CLIP4: variants seen among roughly 807,000 people sequenced by gnomAD.
The protein encoded by CLIP4 is CAP-Gly domain containing linker protein family member 4.
Under a neutral mutation model 73.1 loss-of-function variants are expected in CLIP4, and 47 were observed. The observed-to-expected ratio is 0.64, with a 90% CI of 0.51 to 0.82. CLIP4 has a LOEUF of 0.82. Ranked by LOEUF, CLIP4 falls within the 40% of genes least tolerant of loss-of-function variation. The pLI, the probability that CLIP4 is intolerant of heterozygous loss-of-function variation, is 0.00. For missense variants in CLIP4, 874 were observed against 852.9 expected (o/e 1.02, Z -0.31); for synonymous variants, 306 against 295.4 (o/e 1.04, Z -0.37).
intron 8 of CLIP4, among the ~76,000 whole-genome samples, chr2:29,149,152 A>G (rs1172066180): frequency 6.6e-6 from 1 of 152,158 alleles, no homozygotes; most frequent in Non-Finnish European, 1.5e-5. Context: ...GGCAGTGTGT[A>G]AGCAGATGGA....
chr2:29,121,350 C>CTTTT, intron 1 of CLIP4, 24 bp from the exon 2 acceptor site: 3 of 1,552,070 alleles, frequency 1.9e-6, no homozygotes, highest in Admixed American at 2.1e-5. Flanking sequence ...AGTAGAAACA[C>CTTTT]TTTTTTTTTC....
At chr2:29,179,326 C>G (rs544406454) in intron 15 of CLIP4, among the ~76,000 whole-genome samples, 2 of 152,154 alleles carry the variant, frequency 1.3e-5, no homozygotes, top group African/African-American at 4.8e-5. Context: ...TACATTCTTA[C>G]GACAGAGCCA....
intron 13 of CLIP4, among the ~76,000 whole-genome samples, chr2:29,164,352 A>G (rs530568958): frequency 2.0e-4 from 31 of 152,258 alleles, no homozygotes; most frequent in Admixed American, 1.6e-3. Flanking sequence ...CTACAAACCT[A>G]ATGGAACCAA....
intron 15 of CLIP4, among the ~76,000 whole-genome samples, chr2:29,175,000 C>T (rs956674538): frequency 2.0e-5 from 3 of 152,114 alleles, no homozygotes; most frequent in African/African-American, 4.8e-5. Context: ...CACTTTAGAG[C>T]AATATGAGGC....
chr2:29,172,768 T>G (rs1668093798), intron 14 of CLIP4, among the ~76,000 whole-genome samples: 1 of 152,148 alleles, frequency 6.6e-6, no homozygotes, highest in South Asian at 2.1e-4. Flanking sequence ...CACTCTAGAC[T>G]ATATTTTGGA....
chr2:29,109,268 C>T (rs1220418009), intron 1 of CLIP4, among the ~76,000 whole-genome samples: 1 of 152,018 alleles, frequency 6.6e-6, no homozygotes, highest in African/African-American at 2.4e-5. Context: ...GGCTGGTACC[C>T]GAAACTTAGC....
Position 29,172,907 on chromosome 2 carries a change from G to C in CLIP4, c.1724-1466G>C, listed in dbSNP as rs144776266. Among the ~76,000 whole-genome samples the C allele has an allele frequency of 3.6e-3, 544 of 151,934 alleles. 2 individuals carry two copies. The highest frequency in any genetic ancestry group is 0.012 in the African/African-American group (483 of 41,444). Reference sequence around the variant, plus strand: ...TTTCTTTTTTCAAATCTGCTTGCAAGTTACCATTGCAATTCTTTCCCCATA... The same window carrying C: ...TTTCTTTTTTCAAATCTGCTTGCAACTTACCATTGCAATTCTTTCCCCATA... On this transcript the variant is annotated intron_variant, in intron 14 of 15. Coordinates refer to ENST00000320081, the MANE Select transcript of CLIP4 (RefSeq NM_024692.6).
intron 2 of CLIP4, among the ~76,000 whole-genome samples, chr2:29,125,131 T>C (rs1215187044): frequency 2.6e-5 from 4 of 152,172 alleles, no homozygotes; most frequent in African/African-American, 9.6e-5. Flanking sequence ...GGCCTGGGGC[T>C]AATTGTTCCC....
intron 14 of CLIP4, among the ~76,000 whole-genome samples, chr2:29,174,115 CTTTCT>C (rs1668180177): frequency 6.6e-6 from 1 of 150,846 alleles, no homozygotes; most frequent in African/African-American, 2.5e-5. Flanking sequence ...ACCTTCTCTG[CTTTCT>C]TTTCTTTTTT....
At chr2:29,138,461 GC>G (rs1347561561) in intron 6 of CLIP4, among the ~76,000 whole-genome samples, 1 of 148,382 alleles carries the variant, frequency 6.7e-6, no homozygotes, top group Non-Finnish European at 1.5e-5. Flanking sequence ...TGTTCTTTCT[GC>G]TTAGGATTGC....
chr2:29,130,001 T>C (rs1354913478), intron 2 of CLIP4: 1 of 471,008 alleles, frequency 2.1e-6, no homozygotes, highest in African/African-American at 2.0e-5. Context: ...CAGGGAATCA[T>C]GTGTTTCACC....
intron 12 of CLIP4, among the ~76,000 whole-genome samples, chr2:29,163,409 G>C (rs1667413824): frequency 6.6e-6 from 1 of 152,064 alleles, no homozygotes; most frequent in Non-Finnish European, 1.5e-5. Context: ...TGTTAGGTGA[G>C]TAAGATGAAA....
At chr2:29,156,718 C>T (rs1288445970) in intron 10 of CLIP4, among the ~76,000 whole-genome samples, 3 of 152,130 alleles carry the variant, frequency 2.0e-5, no homozygotes, top group Non-Finnish European at 4.4e-5. Flanking sequence ...TAATATAGAG[C>T]ACTCTACACA....
At chr2:29,156,862 A>G (rs1441925595) in intron 10 of CLIP4, among the ~76,000 whole-genome samples, 3 of 32,886 alleles carry the variant, frequency 9.1e-5, no homozygotes, top group African/African-American at 2.4e-4. Flanking sequence ...TATCATGTTT[A>G]ATTTTTGTAT....
At chr2:29,105,973 G>T (rs1572852836) in intron 1 of CLIP4, among the ~76,000 whole-genome samples, 1 of 152,162 alleles carries the variant, frequency 6.6e-6, no homozygotes, top group African/African-American at 2.4e-5. Context: ...CAGGCTCTTC[G>T]ATTACCATCA....
In CLIP4 at chr2:29,165,561, A is replaced by G. The variant is rs151332002; in HGVS notation, c.1658+1607A>G. On this transcript the variant is annotated intron_variant, in intron 13 of 15. Coordinates refer to ENST00000320081, the MANE Select transcript of CLIP4 (RefSeq NM_024692.6). ...TTCAGGGACCTTCGTCAGGACATAC[A>G]TCTTGTAAATAATTGGTTTGGGAGT... Among the ~76,000 whole-genome samples the G allele has an allele frequency of 3.1e-3, 475 of 152,314 alleles. 4 individuals carry two copies. Among genetic ancestry groups the G allele is most frequent in the Non-Finnish European group, 3.7e-3 (253 of 68,034 alleles).
chr2:29,103,780 C>G (rs1377211489), intron 1 of CLIP4, among the ~76,000 whole-genome samples: 1 of 151,894 alleles, frequency 6.6e-6, no homozygotes, highest in Non-Finnish European at 1.5e-5. Context: ...ATGGCATGAT[C>G]TCAGCTCATT....
chr2:29,155,405 TACAC>T (rs10602734), intron 9 of CLIP4, among the ~76,000 whole-genome samples: 25 of 150,948 alleles, frequency 1.7e-4, no homozygotes, highest in East Asian at 9.8e-4. Context: ...CCCAAGTGTA[TACAC>T]ACACACACAC....
intron 1 of CLIP4, among the ~76,000 whole-genome samples, chr2:29,099,640 C>T (rs1286758322): frequency 6.6e-6 from 1 of 152,196 alleles, no homozygotes; most frequent in Non-Finnish European, 1.5e-5. Flanking sequence ...TGTCAATCCT[C>T]TGACTTTGTT....
Sources: allele counts gnomAD v4.1 joint callset (sites outside exome capture counted in the v4.1 genomes callset), GRCh38; gene constraint gnomAD v4.1.1; transcripts MANE v1.5; gene names NCBI Gene and HGNC (gene_info 2026-07-23, HGNC 2026-07-21).